RAB2A: variants seen among roughly 807,000 people sequenced by gnomAD.
RAB2A encodes the protein RAB2A, member RAS oncogene family.
RAB2A carries 7 observed loss-of-function variants against 32.5 expected under a neutral mutation model. The ratio of observed to expected loss-of-function variants is 0.22; its 90% CI spans 0.12 to 0.40. The LOEUF (loss-of-function observed/expected upper bound fraction) is 0.40. RAB2A is among the 10% of genes least tolerant of loss of function. The pLI, the probability that RAB2A is intolerant of heterozygous loss-of-function variation, is 1.00. For missense variants in RAB2A, 108 were observed against 260.7 expected (o/e 0.41, Z 4.03); for synonymous variants, 79 against 85.2 (o/e 0.93, Z 0.40).
In RAB2A at chr8:60,620,660, C is replaced by A. The variant is rs770912729; in HGVS notation, c.544-14C>A. The stretch of plus-strand genomic sequence containing the variant: ...GTCTGGTCATATTTATTGTTCTGTT[C>A]TCTTTTATTTCAGGCAAATGGCATT... On this transcript the variant is annotated splice_polypyrimidine_tract_variant and intron_variant, in intron 7 of 7. Transcript: ENST00000262646. The A allele has an allele frequency of 7.6e-6, 12 of 1,574,694 alleles. No homozygotes were observed. Among genetic ancestry groups the A allele is most frequent in the South Asian group, 1.1e-5 (1 of 90,326 alleles).
chr8:60,579,780 A>G (rs1311626960), intron 3 of RAB2A, among the ~76,000 whole-genome samples: 1 of 151,920 alleles, frequency 6.6e-6, no homozygotes, highest in East Asian at 1.9e-4. Context: ...GGTGCCCGCC[A>G]CCAAGCCCGG....
chr8:60,529,786 G>C (rs1320740931), intron 1 of RAB2A, among the ~76,000 whole-genome samples: 1 of 152,266 alleles, frequency 6.6e-6, no homozygotes, highest in African/African-American at 2.4e-5. Flanking sequence ...ACATCTTAAA[G>C]TTGTTTATTT....
At chr8:60,526,079 C>A (rs1807383666) in intron 1 of RAB2A, among the ~76,000 whole-genome samples, 1 of 128,338 alleles carries the variant, frequency 7.8e-6, no homozygotes, top group Admixed American at 8.3e-5. Context: ...GCTAGCATAA[C>A]AAACTACCAG....
At chr8:60,617,133 A>G (rs1043226944) in intron 6 of RAB2A, among the ~76,000 whole-genome samples, 5 of 152,332 alleles carry the variant, frequency 3.3e-5, no homozygotes, top group Middle Eastern at 3.4e-3. Context: ...CTGATAGTTT[A>G]GAACCTATTC....
intron 3 of RAB2A, among the ~76,000 whole-genome samples, chr8:60,575,093 GT>G (rs59359164): frequency 0.23 from 29,481 of 127,992 alleles, 2,309 homozygotes; most frequent in Middle Eastern, 0.39. Flanking sequence ...TTTTTTGGGG[GT>G]TTTTTTTTTT....
At chr8:60,526,791 A>T (rs1461992363) in intron 1 of RAB2A, among the ~76,000 whole-genome samples, 1 of 152,086 alleles carries the variant, frequency 6.6e-6, no homozygotes, top group Admixed American at 6.6e-5. Context: ...CAACACGGTG[A>T]AACCCCATCT....
At chr8:60,573,132 A>C (rs1026990929) in intron 3 of RAB2A, among the ~76,000 whole-genome samples, 1 of 152,230 alleles carries the variant, frequency 6.6e-6, no homozygotes, top group Non-Finnish European at 1.5e-5. Flanking sequence ...AGGAATTCCC[A>C]GGATTCTGGG....
intron 1 of RAB2A, among the ~76,000 whole-genome samples, chr8:60,556,638 T>C (rs1439910592): frequency 1.1e-5 from 1 of 92,552 alleles, no homozygotes; most frequent in Non-Finnish European, 2.1e-5. Flanking sequence ...TACCTCTTTT[T>C]AATAAAAAAA....
At chr8:60,609,273 T>C (rs778879056) in intron 6 of RAB2A, among the ~76,000 whole-genome samples, 3 of 152,202 alleles carry the variant, frequency 2.0e-5, no homozygotes, top group African/African-American at 7.2e-5. Context: ...TATGGTTAAG[T>C]CTGATCCCTC....
At chr8:60,553,322 T>TA (rs1807885494) in intron 1 of RAB2A, among the ~76,000 whole-genome samples, 2 of 152,316 alleles carry the variant, frequency 1.3e-5, no homozygotes, top group South Asian at 4.1e-4. Flanking sequence ...TTCTTCTCTC[T>TA]AGGAAGCCCC....
At chr8:60,551,355 A>G (rs1352583080) in intron 1 of RAB2A, among the ~76,000 whole-genome samples, 3 of 152,238 alleles carry the variant, frequency 2.0e-5, no homozygotes, top group Non-Finnish European at 4.4e-5. Context: ...ATCATGGTTC[A>G]TGCTTTTAGG....
Position 60,572,124 on chromosome 8 carries a change from G to A in RAB2A, c.186+11G>A, listed in dbSNP as rs1207803563. 1.9e-6 allele frequency: 3 copies of A among 1,580,662 alleles called. No homozygotes were observed. The highest frequency in any genetic ancestry group is 2.6e-6 in the Non-Finnish European group (3 of 1,151,672). ...CAGATATGGGATACGGTAAGTATAG[G>A]AAAAGTGCACTGTATGATCTCAGTA... On this transcript the variant is annotated intron_variant, in intron 3 of 7. Coordinates refer to ENST00000262646, the MANE Select transcript of RAB2A (RefSeq NM_002865.3).
At chr8:60,564,315 T>G (rs1808071708) in intron 2 of RAB2A, among the ~76,000 whole-genome samples, 1 of 152,220 alleles carries the variant, frequency 6.6e-6, no homozygotes, top group Non-Finnish European at 1.5e-5. Flanking sequence ...TGGGTAAACT[T>G]AAGTTCTTAG....
At chr8:60,559,006 G>C in intron 2 of RAB2A, 83 bp downstream of exon 2, 1 of 954,624 alleles carries the variant, frequency 1.0e-6, no homozygotes, top group Non-Finnish European at 1.6e-6. Flanking sequence ...TTCTACTAGT[G>C]ATGATGCTAA....
intron 1 of RAB2A, among the ~76,000 whole-genome samples, chr8:60,525,176 C>T (rs577542029): frequency 1.3e-5 from 2 of 152,180 alleles, no homozygotes; most frequent in African/African-American, 4.8e-5. Flanking sequence ...GTAGTCCCCA[C>T]GTGTTGAGGG....
In RAB2A at chr8:60,548,574, T is replaced by A. The variant is rs1362775075; in HGVS notation, c.47-10278T>A. Among the ~76,000 whole-genome samples the A allele has an allele frequency of 5.6e-5, 7 of 126,044 alleles. No individual in the cohort carries two copies. The South Asian group carries it at 1.9e-3, about 34-fold the overall frequency. The allele number at this position is 126,044 out of a possible 152,430, so 82.7% of individuals were successfully genotyped here. A position where few individuals can be genotyped will look rare whatever the true frequency, so the allele number is the denominator to read the frequency against. On this transcript the variant is annotated intron_variant, in intron 1 of 7. Transcript: ENST00000262646. ...TGGCCGGGCAGAGGGGATCCTCACT[T>A]CCCAGCAGGGGCGGCCAGGCAGAGG...
chr8:60,596,665 G>A (rs537103604), intron 6 of RAB2A, among the ~76,000 whole-genome samples: 1 of 152,304 alleles, frequency 6.6e-6, no homozygotes, highest in East Asian at 1.9e-4. Context: ...GCTCATGCCT[G>A]TAATCCCAGC....
At chr8:60,591,389 A>G (rs941295792) in intron 5 of RAB2A, among the ~76,000 whole-genome samples, 6 of 152,166 alleles carry the variant, frequency 3.9e-5, no homozygotes, top group South Asian at 2.1e-4. Context: ...ACTGGGATCA[A>G]TGATGTAATG....
chr8:60,533,495 C>A (rs1807508191), intron 1 of RAB2A, among the ~76,000 whole-genome samples: 1 of 152,094 alleles, frequency 6.6e-6, no homozygotes, highest in Non-Finnish European at 1.5e-5. Context: ...GGGACTCATA[C>A]CAGGACCGTG....
Sources: allele counts gnomAD v4.1 joint callset (sites outside exome capture counted in the v4.1 genomes callset), GRCh38; gene constraint gnomAD v4.1.1; transcripts MANE v1.5; gene names NCBI Gene and HGNC (gene_info 2026-07-23, HGNC 2026-07-21).